EIF3B: variants seen among roughly 807,000 people sequenced by gnomAD.
EIF3B encodes the protein eukaryotic translation initiation factor 3 subunit 9.
Under a neutral mutation model 104.6 loss-of-function variants are expected in EIF3B, and 10 were observed. That is an observed-to-expected ratio of 0.10 (90% confidence interval 0.06 to 0.16). EIF3B has a LOEUF of 0.16. Ranked by LOEUF, EIF3B falls within the 10% of genes least tolerant of loss-of-function variation. The probability of loss-of-function intolerance (pLI) is 1.00; values close to 1 mark genes in which losing one functional copy is unlikely to be tolerated. For synonymous variants in EIF3B, 542 were observed against 417.2 expected, an observed-to-expected ratio of 1.30 and a Z score of -3.65; for missense variants, 1,014 against 1,087.9, an observed-to-expected ratio of 0.93 and a Z score of 0.96.
chr7:2,379,480 C>T lies in EIF3B; in HGVS notation c.2428C>T (p.Leu810Phe), dbSNP rs1226844384. The T allele has an allele frequency of 4.4e-6, 7 of 1,576,474 alleles. No homozygotes were observed. The Admixed American group carries it at 1.1e-4, about 25-fold the overall frequency. Residue 810 changes from leucine to phenylalanine, a missense_variant, in exon 18 of 19, where the codon CTC becomes TTC. Coordinates refer to ENST00000360876, the MANE Select transcript of EIF3B (RefSeq NM_001037283.2). Reference sequence around the variant, plus strand: ...CTTCGTCACTGAAGAAATCATTCCCCTCGGGAATCAGGAGTGACCTGGAGC... The same window carrying T: ...CTTCGTCACTGAAGAAATCATTCCCTTCGGGAATCAGGAGTGACCTGGAGC... Reference protein sequence around the residue: ...EFFVTEEIIPLGNQE With the variant: ...EFFVTEEIIPFGNQE
chr7:2,378,869 C>T (rs1780835009), intron 16 of EIF3B, 103 bp downstream of exon 16: 1 of 1,042,724 alleles, frequency 9.6e-7, no homozygotes, highest in Non-Finnish European at 1.4e-6. Flanking sequence ...GTTGCCTCTG[C>T]TCCGAAGACA....
chr7:2,362,588 C>T lies in EIF3B; in HGVS notation c.693-57C>T, dbSNP rs542321302. 7.5e-5 allele frequency: 120 copies of T among 1,606,790 alleles called. No homozygotes were observed. In the Middle Eastern group the frequency reaches 7.7e-4, roughly 10 times the overall value. On this transcript the variant is annotated intron_variant, in intron 2 of 18. Transcript: ENST00000360876. ...CCGTGGAGAGGGGTGGGGCGGACAG[C>T]GCATACCTGCCTAGCCTTACAGTGT...
At chr7:2,358,173 T>C (rs1779553020) in intron 1 of EIF3B, among the ~76,000 whole-genome samples, 1 of 152,110 alleles carries the variant, frequency 6.6e-6, no homozygotes, top group South Asian at 2.1e-4. Flanking sequence ...AGCCTCTGCC[T>C]CCCCGCTTCA....
chr7:2,374,573 A>G lies in EIF3B; in HGVS notation c.1856A>G (p.Gln619Arg), dbSNP rs759126862. 1 of 1,614,012 alleles carries G rather than the reference A, an allele frequency of 6.2e-7. No individual in the cohort carries two copies. The highest frequency in any genetic ancestry group is 1.1e-5 in the South Asian group (1 of 91,082). Residue 619 changes from glutamine to arginine, a missense_variant, in exon 13 of 19, where the codon CAA becomes CGA. Transcript: ENST00000360876. The stretch of plus-strand genomic sequence containing the variant: ...GCGAACACCATCTTCTGGAGCCCCC[A>G]AGGACAGTTCGTGGTGTTGGCGGGC... ...QQANTIFWSP[Q>R]GQFVVLAGLR...
intron 9 of EIF3B, among the ~76,000 whole-genome samples, chr7:2,367,825 A>ATTTTTTTTTTTTTTTTTTTT (rs71026506): frequency 3.3e-5 from 2 of 60,296 alleles, no homozygotes; most frequent in African/African-American, 8.6e-5. Context: ...TTTTTTTAAA[A>ATTTTTTTTTTTTTTTTTTTT]TTTTTTTTTT....
chr7:2,373,538 T>G (rs1284629479), intron 12 of EIF3B: 1 of 152,212 alleles, frequency 6.6e-6, no homozygotes, highest in Non-Finnish European at 1.5e-5. Context: ...TGGCCGCACC[T>G]TTCGCAGCAT....
Position 2,363,147 on chromosome 7 carries a change from C to T in EIF3B, c.870+20C>T. On this transcript the variant is annotated intron_variant, in intron 4 of 18. Transcript: ENST00000360876. ...GACCTGGTGAGTGGCCTGAAACCTA[C>T]ATCTCAGTGGTTTAAAGAAATGCTG... 2 of 1,612,630 alleles carry T rather than the reference C, an allele frequency of 1.2e-6. No homozygotes were observed. Among genetic ancestry groups the T allele is most frequent in the Non-Finnish European group, 1.7e-6 (2 of 1,178,860 alleles).
At chr7:2,371,705 AT>A in intron 10 of EIF3B, 71 bp from the exon 11 acceptor site, 2 of 1,192,576 alleles carry the variant, frequency 1.7e-6, no homozygotes, top group Non-Finnish European at 2.5e-6. Context: ...TGTGACGTTG[AT>A]CTTTGATTTA....
At chr7:2,370,203 G>T (rs760958190) in intron 10 of EIF3B, among the ~76,000 whole-genome samples, 5 of 152,158 alleles carry the variant, frequency 3.3e-5, no homozygotes, top group Non-Finnish European at 7.3e-5. Flanking sequence ...TTGGCTGGGT[G>T]TAGTGGCCCA....
At position 2,360,823 on chromosome 7, in the gene EIF3B, A is replaced by C; in HGVS notation, c.613A>C (p.Asn205His). Residue 205 changes from asparagine (N) to histidine (H), a missense_variant, in exon 2 of 19, where the codon AAT (asparagine) becomes CAT (histidine). Around this residue, in one of 4 missense-constraint regions of EIF3B, gnomAD observed 488 missense variants for 404.3 expected, o/e 1.21. Transcript: ENST00000360876. ...ACCCGACCGACTTGAGAAACTCAAA[A>C]ATGTCATCCACAAGATCTTTTCCAA... ...VGPDRLEKLK[N>H]VIHKIFSKFG... 1.2e-6 allele frequency: 2 copies of C among 1,613,986 alleles called. No individual in the cohort carries two copies. The highest frequency in any genetic ancestry group is 1.7e-6 in the Non-Finnish European group (2 of 1,179,838).
At chr7:2,378,932 G>T in intron 16 of EIF3B, 166 bp downstream of exon 16, 5 of 758,700 alleles carry the variant, frequency 6.6e-6, no homozygotes, top group Non-Finnish European at 8.6e-6. Flanking sequence ...GGTTGGCACG[G>T]GGACTTGGAG....
intron 2 of EIF3B, among the ~76,000 whole-genome samples, chr7:2,362,302 A>G (rs1387969029): frequency 6.6e-6 from 1 of 152,180 alleles, no homozygotes; most frequent in Non-Finnish European, 1.5e-5. Context: ...ATTGATATAC[A>G]GTAAATCTGC....
intron 6 of EIF3B, among the ~76,000 whole-genome samples, 188 bp from the exon 7 acceptor site, chr7:2,366,129 C>T (rs1252843118): frequency 2.0e-5 from 3 of 152,104 alleles, no homozygotes; most frequent in South Asian, 2.1e-4. Context: ...GCGCCTGCAG[C>T]GTATTGACAC....
At chr7:2,374,721 G>GAAAGA in intron 13 of EIF3B, 115 bp downstream of exon 13, 1 of 979,362 alleles carries the variant, frequency 1.0e-6, no homozygotes, top group South Asian at 1.6e-5. Context: ...GCGCTGAAAG[G>GAAAGA]GTTGCCCCAG....
intron 5 of EIF3B, 122 bp downstream of exon 5, chr7:2,363,882 C>G (rs1372929763): frequency 8.3e-7 from 1 of 1,207,756 alleles, no homozygotes; most frequent in African/African-American, 1.5e-5. Flanking sequence ...TTTGAGATTA[C>G]TTTCTGAAAA....
Position 2,366,546 on chromosome 7 carries a change from C to G in EIF3B, c.1311C>G (p.Phe437Leu). 6.2e-7 allele frequency: 1 copy of G among 1,614,180 alleles called. No homozygotes were observed. The highest frequency in any genetic ancestry group is 8.5e-7 in the Non-Finnish European group (1 of 1,180,042). The change falls in exon 8 of 19, where the codon TTC (phenylalanine) becomes TTG (leucine). Residue 437 changes from phenylalanine to leucine, a missense_variant. Transcript: ENST00000360876. ...PIFKWSHDGK[F>L]FARMTLDTLS... ...TTAGGTGGAGCCATGATGGCAAATT[C>G]TTTGCCAGAATGACCCTGGATACGC...
At chr7:2,361,942 T>G (rs1373657905) in intron 2 of EIF3B, among the ~76,000 whole-genome samples, 1 of 149,084 alleles carries the variant, frequency 6.7e-6, no homozygotes, top group African/African-American at 2.5e-5. Flanking sequence ...ACGCCTGGCT[T>G]GCTTGCTTGC....
At chr7:2,355,461 C>T (rs771841363) in intron 1 of EIF3B, 41 bp downstream of exon 1, 8 of 1,406,538 alleles carry the variant, frequency 5.7e-6, no homozygotes, top group Non-Finnish European at 3.7e-6. Flanking sequence ...GGCGCGGGAG[C>T]GTGGCTGGGG....
Position 2,366,311 on chromosome 7 carries a change from T to C in EIF3B, c.1158-6T>C. The stretch of plus-strand genomic sequence containing the variant: ...GATAGTGTACAGTGTTGCCCTTCTC[T>C]TCTAGGTACCTGGTGACCTTTAGCC... On this transcript the variant is annotated splice_polypyrimidine_tract_variant and splice_region_variant and intron_variant, in intron 6 of 18. Coordinates refer to ENST00000360876, the MANE Select transcript of EIF3B (RefSeq NM_001037283.2). 1 of 1,600,120 alleles carries C rather than the reference T, an allele frequency of 6.2e-7. No homozygotes were observed. The highest frequency in any genetic ancestry group is 1.1e-5 in the South Asian group (1 of 88,612).
Sources: gnomAD v4.1 joint callset for allele counts (sites outside exome capture counted in the v4.1 genomes callset) on GRCh38, gnomAD v4.1.1 for gene constraint, gnomAD v4.1.1 regional missense constraint, MANE v1.5 for transcripts, NCBI Gene and HGNC (gene_info 2026-07-23, HGNC 2026-07-21) for gene names.